The following MYO1H variants were observed in gnomAD, a reference collection of about 807,000 sequenced individuals.
MYO1H encodes the protein myosin IH, also known as unconventional myosin-Ih.
MYO1H carries 118 observed loss-of-function variants against 149.3 expected under a neutral mutation model. The observed-to-expected ratio is 0.79, with a 90% CI of 0.68 to 0.92. The LOEUF (loss-of-function observed/expected upper bound fraction) is 0.92. Among genes scored for constraint, MYO1H ranks in the 40% least tolerant of loss-of-function variants. The pLI is 0.00. For synonymous variants in MYO1H, 447 were observed against 465.2 expected (o/e 0.96, Z 0.50); for missense variants, 1,212 against 1,280.7 (o/e 0.95, Z 0.82).
chr12:109,418,325 G>A (rs2135569802), intron 15 of MYO1H, among the ~76,000 whole-genome samples: 1 of 151,672 alleles, frequency 6.6e-6, no homozygotes, highest in African/African-American at 2.4e-5. Context: ...TTTTACTTTT[G>A]GTTTGAAATT....
At chr12:109,447,175 A>C (rs1418650664) in exon 32 of MYO1H, 1 of 1,599,042 alleles carries the variant, frequency 6.3e-7, no homozygotes, top group Non-Finnish European at 8.5e-7. Context: ...GTCCGGAGGA[A>C]GTCCTGATAG....
At chr12:109,358,115 T>C (rs533984857) in intron 1 of MYO1H, among the ~76,000 whole-genome samples, 2 of 151,514 alleles carry the variant, frequency 1.3e-5, no homozygotes, top group Non-Finnish European at 2.9e-5. Context: ...TCCACTGATA[T>C]CTAGTATGTT....
At chr12:109,424,626 A>T (rs563328810) in intron 16 of MYO1H, 122 bp from the exon 17 acceptor site, 7 of 665,008 alleles carry the variant, frequency 1.1e-5, no homozygotes, top group Non-Finnish European at 1.8e-5. Context: ...CATTAGGAAC[A>T]TCTTCAAGCA....
chr12:109,352,600 G>A (rs1000708141), intron 1 of MYO1H, among the ~76,000 whole-genome samples: 7 of 151,974 alleles, frequency 4.6e-5, no homozygotes, highest in African/African-American at 1.2e-4. Flanking sequence ...TTTTCTCCCC[G>A]ACATGTATGA....
intron 1 of MYO1H, among the ~76,000 whole-genome samples, chr12:109,363,757 G>T (rs138612203): frequency 1.3e-3 from 198 of 152,174 alleles, no homozygotes; most frequent in African/African-American, 4.6e-3. Flanking sequence ...TCCCACCTGC[G>T]AGAAGATGTA....
chr12:109,316,720 G>A, the MYO1H span, among the ~76,000 whole-genome samples: 1 of 152,130 alleles, frequency 6.6e-6, no homozygotes, highest in African/African-American at 2.4e-5. Flanking sequence ...ATGCATGGGT[G>A]TAACGGACAA....
intron 19 of MYO1H, among the ~76,000 whole-genome samples, chr12:109,427,903 A>ATATATATATATAT (rs1871430495): frequency 2.7e-5 from 1 of 37,342 alleles, no homozygotes; most frequent in African/African-American, 9.0e-5. Context: ...AAAAAAAAAA[A>ATATATATATATAT]AAAAAAATAT....
intron 1 of MYO1H, 49 bp from the exon 2 acceptor site, chr12:109,388,634 A>C: frequency 3.4e-6 from 5 of 1,472,582 alleles, no homozygotes; most frequent in Non-Finnish European, 4.6e-6. Context: ...GACGTGTAAT[A>C]GATATTACCA....
At chr12:109,415,499 C>T in intron 14 of MYO1H, 27 bp from the exon 15 acceptor site, 1 of 1,567,490 alleles carries the variant, frequency 6.4e-7, no homozygotes, top group African/African-American at 1.4e-5. Flanking sequence ...AAAGAAAGTT[C>T]AACTCGTGTC....
chr12:109,399,818 G>A (rs1449340244), intron 5 of MYO1H, among the ~76,000 whole-genome samples: 1 of 152,092 alleles, frequency 6.6e-6, no homozygotes, highest in Non-Finnish European at 1.5e-5. Flanking sequence ...GGGAGGCTGA[G>A]GTGGGAGAAT....
chr12:109,411,879 C>A lies in MYO1H; in HGVS notation c.1411-15C>A, dbSNP rs1870691307. 3.2e-6 allele frequency: 5 copies of A among 1,585,112 alleles called. No individual in the cohort carries two copies. Among genetic ancestry groups the A allele is most frequent in the Non-Finnish European group, 4.3e-6 (5 of 1,164,412 alleles). ...TGTGGTGCTGTGGATTGAGGCTTCT[C>A]TTTTTCTTTTGAAGGATGAAGAATG... is the stretch of plus-strand genomic sequence containing the variant. On this transcript the variant is annotated splice_polypyrimidine_tract_variant and intron_variant, in intron 13 of 31. Coordinates refer to ENST00000310903, the Ensembl canonical transcript of MYO1H.
At chr12:109,397,323 T>C (rs976562279) in intron 4 of MYO1H, among the ~76,000 whole-genome samples, 4 of 152,222 alleles carry the variant, frequency 2.6e-5, no homozygotes, top group Non-Finnish European at 5.9e-5. Context: ...TTTGTGGCCC[T>C]TTCTATAAAT....
At chr12:109,318,967 G>GTTTTTTTTTTTTTTTTTTTTT in the MYO1H span, among the ~76,000 whole-genome samples, 17 of 79,590 alleles carry the variant, frequency 2.1e-4, 3 homozygotes, top group African/African-American at 6.6e-4. Flanking sequence ...TGCGTTTTTG[G>GTTTTTTTTTTTTTTTTTTTTT]TTTTGTTTTT....
the MYO1H span, among the ~76,000 whole-genome samples, chr12:109,331,760 A>G: frequency 6.6e-6 from 1 of 152,180 alleles, no homozygotes; most frequent in Non-Finnish European, 1.5e-5. Context: ...CCCTCCTGCA[A>G]ACAGCTTGAA....
chr12:109,384,086 AT>A (rs1434001582), intron 1 of MYO1H, among the ~76,000 whole-genome samples: 2 of 152,216 alleles, frequency 1.3e-5, no homozygotes, highest in Non-Finnish European at 2.9e-5. Flanking sequence ...GACTTAAATA[AT>A]CGGAAGTTCT....
exon 32 of MYO1H, chr12:109,447,879 T>C (rs941167991): frequency 3.9e-5 from 6 of 152,436 alleles, no homozygotes; most frequent in South Asian, 4.1e-4. Flanking sequence ...ACAAATTTTA[T>C]TGTAAAATAA....
chr12:109,415,535 G>A, exon 15 of MYO1H: 1 of 1,605,254 alleles, frequency 6.2e-7, no homozygotes, highest in Non-Finnish European at 8.5e-7. Flanking sequence ...GCCGTAAGCT[G>A]GCTGGTCCAA....
chr12:109,375,368 G>A (rs1005262460), intron 1 of MYO1H, among the ~76,000 whole-genome samples: 3 of 151,984 alleles, frequency 2.0e-5, no homozygotes, highest in Non-Finnish European at 4.4e-5. Flanking sequence ...GCCCACACTG[G>A]TCTCAAACTC....
intron 16 of MYO1H, among the ~76,000 whole-genome samples, chr12:109,424,104 C>G (rs960363067): frequency 6.6e-6 from 1 of 152,170 alleles, no homozygotes; most frequent in Non-Finnish European, 1.5e-5. Context: ...TAATAGCACA[C>G]TGTATGTGTG....
Sources: gnomAD v4.1 joint callset for allele counts (sites outside exome capture counted in the v4.1 genomes callset) on GRCh38, gnomAD v4.1.1 for gene constraint, MANE v1.5 for transcripts, NCBI Gene and HGNC (gene_info 2026-07-23, HGNC 2026-07-21) for gene names.